ZFAND3: variants seen among roughly 807,000 people sequenced by gnomAD.
The protein encoded by ZFAND3 is AN1-type zinc finger protein 3.
Under a neutral mutation model 29.6 loss-of-function variants are expected in ZFAND3, and 10 were observed. The ratio of observed to expected loss-of-function variants is 0.34; its 90% CI spans 0.21 to 0.57. The LOEUF (loss-of-function observed/expected upper bound fraction) is 0.57, where lower values mean the gene tolerates loss of function less well. Ranked by LOEUF, ZFAND3 falls within the 20% of genes least tolerant of loss-of-function variation. ZFAND3 has a pLI of 0.86. For missense variants in ZFAND3, 230 were observed against 304.5 expected (o/e 0.76, Z 1.82); for synonymous variants, 128 against 112.6 (o/e 1.14, Z -0.87).
chr6:37,954,643 C>T (rs1762055029), intron 2 of ZFAND3, among the ~76,000 whole-genome samples: 1 of 151,938 alleles, frequency 6.6e-6, no homozygotes, highest in Non-Finnish European at 1.5e-5. Flanking sequence ...TTGATTTTCC[C>T]CCTTCATTTT....
intron 4 of ZFAND3, among the ~76,000 whole-genome samples, chr6:38,110,210 A>G (rs946390155): frequency 1.3e-5 from 2 of 152,202 alleles, no homozygotes; most frequent in African/African-American, 2.4e-5. Flanking sequence ...TGTCCACACA[A>G]TGGCTTTTCA....
intron 2 of ZFAND3, among the ~76,000 whole-genome samples, chr6:37,966,723 AAAAC>A (rs1178191751): frequency 6.6e-6 from 1 of 152,164 alleles, no homozygotes; most frequent in Non-Finnish European, 1.5e-5. Context: ...CTTTGTAACT[AAAAC>A]AAAATGTCCA....
At chr6:37,914,672 C>CTTTTTTTTTCTTTTTTTTTTTT (rs1554157845) in intron 1 of ZFAND3, among the ~76,000 whole-genome samples, 1 of 114,210 alleles carries the variant, frequency 8.8e-6, no homozygotes, top group African/African-American at 3.6e-5. Flanking sequence ...CTTTTTTTTT[C>CTTTTTTTTTCTTTTTTTTTTTT]TTTTTTTTTT....
chr6:38,071,806 T>C (rs1349237873), intron 3 of ZFAND3, among the ~76,000 whole-genome samples: 1 of 152,202 alleles, frequency 6.6e-6, no homozygotes, highest in Admixed American at 6.5e-5. Flanking sequence ...TACTTTGCTC[T>C]GTCCCAGAAC....
chr6:38,032,703 G>T (rs1374500139), intron 2 of ZFAND3, among the ~76,000 whole-genome samples: 2 of 152,020 alleles, frequency 1.3e-5, no homozygotes, highest in Non-Finnish European at 2.9e-5. Flanking sequence ...GAGGGGAATG[G>T]TGATCAAGCA....
intron 4 of ZFAND3, among the ~76,000 whole-genome samples, chr6:38,087,666 T>G (rs570220964): frequency 1.3e-5 from 2 of 152,302 alleles, no homozygotes; most frequent in South Asian, 4.1e-4. Context: ...TTAAACTGGC[T>G]TATATTCAGA....
rs1348675267 is a variant in ZFAND3, at chr6:38,147,303, T to C, written c.530-4932T>C. ...ATAATGACTTCCAGCTCCATCCATG[T>C]TGCTGCAACTGACATGATTTCATTC... On this transcript the variant is annotated intron_variant, in intron 5 of 5. Coordinates refer to ENST00000287218, the MANE Select transcript of ZFAND3 (RefSeq NM_021943.3). Among the ~76,000 whole-genome samples the C allele has an allele frequency of 5.9e-5, 9 of 152,364 alleles. No homozygotes were observed. In the East Asian group the frequency reaches 1.5e-3, roughly 26 times the overall value.
chr6:37,856,666 T>C (rs1051031700), intron 1 of ZFAND3, among the ~76,000 whole-genome samples: 3 of 152,212 alleles, frequency 2.0e-5, no homozygotes, highest in African/African-American at 7.2e-5. Flanking sequence ...ATACTGTGCC[T>C]AATACCTTTG....
At chr6:37,932,162 G>T (rs181189663) in intron 2 of ZFAND3, among the ~76,000 whole-genome samples, 1 of 151,956 alleles carries the variant, frequency 6.6e-6, no homozygotes, top group African/African-American at 2.4e-5. Flanking sequence ...CCAGCTACTC[G>T]GGAGGCTGAG....
At chr6:37,910,407 A>G (rs1765498534) in intron 1 of ZFAND3, among the ~76,000 whole-genome samples, 1 of 152,084 alleles carries the variant, frequency 6.6e-6, no homozygotes, top group Middle Eastern at 3.4e-3. Flanking sequence ...ATGAGAGTCT[A>G]AATACATTTG....
intron 2 of ZFAND3, among the ~76,000 whole-genome samples, chr6:37,941,399 G>C (rs977404586): frequency 3.9e-5 from 6 of 152,172 alleles, no homozygotes; most frequent in African/African-American, 1.4e-4. Context: ...TTTGCCTCTA[G>C]ATCCCCTCAT....
At chr6:37,977,102 A>G (rs1411732388) in intron 2 of ZFAND3, among the ~76,000 whole-genome samples, 9 of 152,180 alleles carry the variant, frequency 5.9e-5, no homozygotes, top group African/African-American at 1.9e-4. Flanking sequence ...TACTGCACCA[A>G]ATACTGTAGG....
chr6:37,973,104 C>T (rs1002157344), intron 2 of ZFAND3, among the ~76,000 whole-genome samples: 5 of 151,874 alleles, frequency 3.3e-5, no homozygotes, highest in Non-Finnish European at 5.9e-5. Context: ...TTCTTAGTTT[C>T]TGAGTTGCTG....
chr6:37,980,342 A>G (rs1169774004), intron 2 of ZFAND3, among the ~76,000 whole-genome samples: 1 of 152,186 alleles, frequency 6.6e-6, no homozygotes, highest in South Asian at 2.1e-4. Context: ...CTTTTGTGTC[A>G]GACTAGGCAA....
intron 1 of ZFAND3, among the ~76,000 whole-genome samples, chr6:37,928,594 C>G (rs1009247722): frequency 6.6e-6 from 1 of 152,004 alleles, no homozygotes; most frequent in Non-Finnish European, 1.5e-5. Flanking sequence ...GATCTCAGCT[C>G]ACTGCAACCT....
At chr6:38,095,200 TGAACTATTTA>T (rs1428243555) in intron 4 of ZFAND3, among the ~76,000 whole-genome samples, 1 of 152,160 alleles carries the variant, frequency 6.6e-6, no homozygotes, top group Non-Finnish European at 1.5e-5. Context: ...CAGTTAATGG[TGAACTATTTA>T]GAAAGCAAGC....
chr6:37,841,773 G>A (rs1301262989), intron 1 of ZFAND3, among the ~76,000 whole-genome samples: 1 of 152,110 alleles, frequency 6.6e-6, no homozygotes, highest in Non-Finnish European at 1.5e-5. Flanking sequence ...GTGAGCCACC[G>A]TGCCCAGCCT....
At chr6:38,045,879 G>A (rs1231935440) in intron 2 of ZFAND3, among the ~76,000 whole-genome samples, 1 of 152,100 alleles carries the variant, frequency 6.6e-6, no homozygotes, top group African/African-American at 2.4e-5. Flanking sequence ...AGCTTCCTAG[G>A]GATCAAAGCA....
intron 1 of ZFAND3, among the ~76,000 whole-genome samples, chr6:37,859,150 G>A (rs1234974442): frequency 6.6e-6 from 1 of 152,176 alleles, no homozygotes; most frequent in Non-Finnish European, 1.5e-5. Context: ...TAGCTTTGTT[G>A]CCTTGAATAA....
Sources: gnomAD v4.1 joint callset for allele counts (sites outside exome capture counted in the v4.1 genomes callset) on GRCh38, gnomAD v4.1.1 for gene constraint, MANE v1.5 for transcripts, NCBI Gene and HGNC (gene_info 2026-07-23, HGNC 2026-07-21) for gene names.